The following DOCK10 variants were observed in gnomAD, a reference collection of about 807,000 sequenced individuals.
DOCK10 encodes the protein dedicator of cytokinesis protein 10.
DOCK10 carries 145 observed loss-of-function variants against 280.1 expected under a neutral mutation model. The ratio of observed to expected loss-of-function variants is 0.52; its 90% confidence interval spans 0.45 to 0.59. The LOEUF is 0.59. Ranked by LOEUF, DOCK10 falls within the 20% of genes least tolerant of loss-of-function variation. The pLI, the probability that DOCK10 is intolerant of heterozygous loss-of-function variation, is 0.00. For missense variants in DOCK10, 2,368 were observed against 2,651.7 expected (o/e 0.89, Z 2.35); for synonymous variants, 915 against 942.2 (o/e 0.97, Z 0.53).
chr2:224,872,032 G>C (rs1452626162), intron 11 of DOCK10, among the ~76,000 whole-genome samples: 1 of 152,044 alleles, frequency 6.6e-6, no homozygotes, highest in Non-Finnish European at 1.5e-5. Context: ...AAGTATATTT[G>C]GAGAATGAAT....
chr2:224,917,483 G>A (rs1319354258), intron 2 of DOCK10, among the ~76,000 whole-genome samples: 3 of 151,928 alleles, frequency 2.0e-5, no homozygotes, highest in African/African-American at 7.3e-5. Context: ...AATATCAAAG[G>A]ATAAACACAG....
intron 2 of DOCK10, among the ~76,000 whole-genome samples, chr2:224,921,109 AAAAATAT>A (rs1263590727): frequency 5.0e-5 from 4 of 79,746 alleles, no homozygotes; most frequent in African/African-American, 2.5e-4. Flanking sequence ...AAAAAAAAAA[AAAAATAT>A]ATATATATAT....
chr2:224,937,406 A>C (rs564002421), intron 1 of DOCK10, among the ~76,000 whole-genome samples: 1 of 152,298 alleles, frequency 6.6e-6, no homozygotes, highest in Non-Finnish European at 1.5e-5. Flanking sequence ...AAATTACCCT[A>C]CATGTTTTAC....
intron 1 of DOCK10, among the ~76,000 whole-genome samples, chr2:224,952,354 C>T (rs1244972827): frequency 1.3e-5 from 2 of 152,114 alleles, no homozygotes; most frequent in East Asian, 3.9e-4. Flanking sequence ...CACTGAGATC[C>T]AGGTTGCAAT....
At chr2:224,784,562 A>G (rs1338977117) in intron 50 of DOCK10, among the ~76,000 whole-genome samples, 1 of 152,246 alleles carries the variant, frequency 6.6e-6, no homozygotes, top group Non-Finnish European at 1.5e-5. Context: ...CATAAACACA[A>G]CTTAGTTAAA....
chr2:225,035,589 A>T lies in DOCK10; in HGVS notation c.123+6663T>A, dbSNP rs1205287231. On this transcript the variant is annotated intron_variant, in intron 1 of 55. Transcript: ENST00000258390. ...ATATATATATATATATATATATATA[A>T]CACTGAATCAGTGTTAATTGTGTGT... Among the ~76,000 whole-genome samples the T allele has an allele frequency of 1.0e-3, 72 of 70,614 alleles. 1 individual carries two copies. The highest frequency in any genetic ancestry group is 3.4e-3 in the African/African-American group (65 of 18,998). 46.3% of individuals were successfully genotyped at this position (70,614 alleles called of 152,430 possible). A position where few individuals can be genotyped will look rare whatever the true frequency, so the allele number is the denominator to read the frequency against.
intron 33 of DOCK10, among the ~76,000 whole-genome samples, chr2:224,806,896 T>C (rs1315170421): frequency 1.3e-5 from 2 of 152,052 alleles, no homozygotes; most frequent in Non-Finnish European, 2.9e-5. Flanking sequence ...GAGATGTGAG[T>C]CACCATACCT....
intron 1 of DOCK10, among the ~76,000 whole-genome samples, chr2:224,957,286 C>CCG (rs1553622538): frequency 2.9e-5 from 1 of 34,410 alleles, no homozygotes; most frequent in Non-Finnish European, 7.7e-5. Context: ...TTACTTTCCG[C>CCG]CCCCCCCCGG....
At position 224,938,904 on chromosome 2, in the gene DOCK10, A is replaced by T. The variant is rs573876262; in HGVS notation, c.124-7236T>A. On this transcript the variant is annotated intron_variant, in intron 1 of 55. Coordinates refer to ENST00000258390, the MANE Select transcript of DOCK10 (RefSeq NM_014689.3). ...AAACAAGGCTACTTTTTCCTACCAA[A>T]AAGGAAGTGATTAAGTAAAGAATAA... Among the ~76,000 whole-genome samples, 39 of 152,324 alleles carry T rather than the reference A, an allele frequency of 2.6e-4. No individual in the cohort carries two copies. The South Asian group carries it at 5.6e-3, about 22-fold the overall frequency.
intron 14 of DOCK10, chr2:224,860,730 C>T (rs543326759): frequency 1.3e-5 from 2 of 151,998 alleles, no homozygotes; most frequent in East Asian, 3.9e-4. Context: ...TATGCTACCA[C>T]CCTTGGTTAA....
At chr2:224,767,422 C>A (rs909252514) in intron 55 of DOCK10, among the ~76,000 whole-genome samples, 2 of 152,122 alleles carry the variant, frequency 1.3e-5, no homozygotes, top group Non-Finnish European at 2.9e-5. Flanking sequence ...CCTCGGCCTC[C>A]CAAAGTGCTA....
At chr2:225,035,528 T>C (rs1379944389) in intron 1 of DOCK10, among the ~76,000 whole-genome samples, 3 of 112,562 alleles carry the variant, frequency 2.7e-5, no homozygotes, top group African/African-American at 7.9e-5. Flanking sequence ...AGATCTTATA[T>C]GATATGATAT....
intron 7 of DOCK10, among the ~76,000 whole-genome samples, chr2:224,876,877 T>C (rs1379290447): frequency 6.6e-6 from 1 of 152,190 alleles, no homozygotes; most frequent in Non-Finnish European, 1.5e-5. Context: ...TTATTTCTCA[T>C]CTATTCCAAT....
rs546140883 is a variant in DOCK10, at chr2:224,845,523, C to T, written c.2355G>A (p.Thr785=). ...ANAKKKEALE[T]SVGYAWLPLM... ...CAGATTTCTTCCTGGCAGTACCTGA[C>T]GTTTCCAGAGCCTCCTTCTTTTTGG... The change falls in exon 20 of 56, where the codon ACG becomes ACA. Residue 785 remains threonine, a synonymous_variant. Transcript: ENST00000258390. 1.6e-5 allele frequency: 26 copies of T among 1,611,572 alleles called. 1 individual carries two copies. Among genetic ancestry groups the T allele is most frequent in the African/African-American group, 1.5e-4 (11 of 74,874 alleles).
chr2:224,772,840 A>G, intron 53 of DOCK10, among the ~76,000 whole-genome samples: 1 of 152,208 alleles, frequency 6.6e-6, no homozygotes, highest in Admixed American at 6.5e-5. Flanking sequence ...ATGTACAAGA[A>G]TGTGGTGTTT....
Position 224,957,982 on chromosome 2 carries a change from G to A in DOCK10, c.124-26314C>T, listed in dbSNP as rs904806538. 6.6e-5 allele frequency among the ~76,000 whole-genome samples: 10 copies of A among 152,304 alleles called. No homozygotes were observed. In the South Asian group the frequency reaches 2.1e-3, roughly 32 times the overall value. On this transcript the variant is annotated intron_variant, in intron 1 of 55. Transcript: ENST00000258390. ...ATGAAAGCATGTCATTGGGACTGTG[G>A]TGTTGGCCACTGTGGGTAAGACCAC...
At chr2:224,819,316 C>T (rs1694352296) in intron 29 of DOCK10, 130 bp downstream of exon 29, 1 of 525,508 alleles carries the variant, frequency 1.9e-6, no homozygotes, top group African/African-American at 2.0e-5. Context: ...CATTAAAAGG[C>T]TGCCTCTCCT....
intron 1 of DOCK10, among the ~76,000 whole-genome samples, chr2:224,997,174 T>TTTGGGG (rs1706294510): frequency 6.6e-6 from 1 of 152,228 alleles, no homozygotes; most frequent in South Asian, 2.1e-4. Flanking sequence ...CAACACTGCC[T>TTTGGGG]TTGGGGTTGG....
intron 18 of DOCK10, among the ~76,000 whole-genome samples, chr2:224,850,186 G>A (rs929571666): frequency 4.6e-5 from 7 of 152,140 alleles, no homozygotes; most frequent in African/African-American, 1.4e-4. Flanking sequence ...CCTTTTTGCA[G>A]ATGACTATCT....
Sources: gnomAD v4.1 joint callset for allele counts (sites outside exome capture counted in the v4.1 genomes callset) on GRCh38, gnomAD v4.1.1 for gene constraint, MANE v1.5 for transcripts, NCBI Gene and HGNC (gene_info 2026-07-23, HGNC 2026-07-21) for gene names.